Variants in MMRN1 observed in about 807,000 individuals in gnomAD.
MMRN1 encodes multimerin 1.
Under a neutral mutation model 100.7 loss-of-function variants are expected in MMRN1, and 94 were observed. That is an observed-to-expected ratio of 0.93 (90% CI 0.79 to 1.11). MMRN1 has a LOEUF of 1.11. Among genes scored for constraint, MMRN1 ranks in the 50% least tolerant of loss-of-function variants. MMRN1 has a pLI of 0.00. For missense variants in MMRN1, 1,606 were observed against 1,439.1 expected (o/e 1.12, Z -1.88); for synonymous variants, 575 against 505.0 (o/e 1.14, Z -1.86).
In MMRN1 at chr4:89,895,355, A is replaced by G. The variant is rs1192758198; in HGVS notation, c.384A>G (p.Gly128=). 3 of 1,613,798 alleles carry G rather than the reference A, an allele frequency of 1.9e-6. No individual in the cohort carries two copies. The highest frequency in any genetic ancestry group is 2.5e-6 in the Non-Finnish European group (3 of 1,179,922). ...ACGCTAGCATCAAGTTCAATCCTGG[A>G]GCAGAATCAGTGGTCCTTTCCAATT... ...PTNASIKFNP[G]AESVVLSNST... is the part of the protein sequence containing the mutation. Residue 128 remains glycine (G), a synonymous_variant, in exon 1 of 8, where the codon GGA becomes GGG. Coordinates refer to ENST00000264790, the MANE Select transcript of MMRN1 (RefSeq NM_007351.3).
At chr4:89,950,053 G>A (rs1288345347) in intron 6 of MMRN1, among the ~76,000 whole-genome samples, 1 of 152,138 alleles carries the variant, frequency 6.6e-6, no homozygotes, top group South Asian at 2.1e-4. Context: ...ACATAATTAT[G>A]CATTATGTTT....
chr4:89,926,438 T>C (rs1354400624), intron 4 of MMRN1, among the ~76,000 whole-genome samples: 2 of 152,192 alleles, frequency 1.3e-5, no homozygotes, highest in African/African-American at 4.8e-5. Context: ...TTTTGAAAAA[T>C]GTATATTCAA....
rs919119057 is a variant in MMRN1, at chr4:89,903,535, A to C, written c.624-5741A>C. Among the ~76,000 whole-genome samples, 15 of 151,820 alleles carry C rather than the reference A, an allele frequency of 9.9e-5. 1 individual carries two copies. Among genetic ancestry groups the C allele is most frequent in the Non-Finnish European group, 2.1e-4 (14 of 67,910 alleles). On this transcript the variant is annotated intron_variant, in intron 1 of 7. Coordinates refer to ENST00000264790, the MANE Select transcript of MMRN1 (RefSeq NM_007351.3). ...GCTGTGTTTCTTTGTATCTGAGGCA[A>C]AAAAATATTGAGGCCATATTATATA...
At chr4:89,939,804 TC>T (rs1359504705) in intron 6 of MMRN1, among the ~76,000 whole-genome samples, 2 of 152,154 alleles carry the variant, frequency 1.3e-5, no homozygotes, top group African/African-American at 4.8e-5. Flanking sequence ...TTAGGGAGTT[TC>T]TTTTCTTGAA....
In MMRN1 at chr4:89,952,980, A is replaced by G. The variant is rs1423557339; in HGVS notation, c.3266-17A>G. 1.6e-5 allele frequency: 25 copies of G among 1,549,450 alleles called. No individual in the cohort carries two copies. Among genetic ancestry groups the G allele is most frequent in the Non-Finnish European group, 2.2e-5 (25 of 1,150,340 alleles). ...AAAAACATGAAAATTAACTCTTGCC[A>G]TTTTTTCCTCTAACAGATTTTTCCA... On this transcript the variant is annotated splice_polypyrimidine_tract_variant and intron_variant, in intron 7 of 7. Transcript: ENST00000264790.
intron 1 of MMRN1, among the ~76,000 whole-genome samples, chr4:89,883,127 T>C (rs1405814171): frequency 1.3e-5 from 2 of 152,242 alleles, no homozygotes; most frequent in East Asian, 3.9e-4. Context: ...ATTATTTCAT[T>C]GTATGAGTGT....
In MMRN1 at chr4:89,894,938, T is replaced by G. The variant is rs1242732536; in HGVS notation, c.-34T>G. Reference sequence around the variant, plus strand: ...AGGCCATAAGGATTTTGTCCCCAAATTTCACATGAGCTACCTTGCTTCAAA... The same window carrying G: ...AGGCCATAAGGATTTTGTCCCCAAAGTTCACATGAGCTACCTTGCTTCAAA... On this transcript the variant is annotated 5_prime_UTR_variant, in exon 1 of 8. Coordinates refer to ENST00000264790, the MANE Select transcript of MMRN1 (RefSeq NM_007351.3). The G allele has an allele frequency of 6.4e-7, 1 of 1,569,442 alleles. No homozygotes were observed. Among genetic ancestry groups the G allele is most frequent in the Admixed American group, 1.9e-5 (1 of 53,592 alleles).
In MMRN1 at chr4:89,935,544, G is replaced by T. The variant is rs747948890; in HGVS notation, c.1864G>T (p.Ala622Ser). The change falls in exon 6 of 8, where the codon GCT becomes TCT. Residue 622 changes from alanine (A) to serine (S), a missense_variant. Coordinates refer to ENST00000264790, the MANE Select transcript of MMRN1 (RefSeq NM_007351.3). ...ENLHVLNQTL[A>S]EVLFPMDNKM... Reference sequence around the variant, plus strand: ...TTTACATGTGTTAAATCAAACATTGGCTGAAGTTCTCTTTCCAATGGACAA... The same window carrying T: ...TTTACATGTGTTAAATCAAACATTGTCTGAAGTTCTCTTTCCAATGGACAA... 18 of 1,613,096 alleles carry T rather than the reference G, an allele frequency of 1.1e-5. No individual in the cohort carries two copies. Among genetic ancestry groups the T allele is most frequent in the Non-Finnish European group, 1.1e-5 (13 of 1,179,632 alleles).
At chr4:89,934,190 AT>A (rs1444750047) in intron 5 of MMRN1, among the ~76,000 whole-genome samples, 1 of 152,104 alleles carries the variant, frequency 6.6e-6, no homozygotes, top group African/African-American at 2.4e-5. Flanking sequence ...TGTATCTTGA[AT>A]TCCTATTTTC....
At chr4:89,938,914 A>C (rs1722737366) in intron 6 of MMRN1, among the ~76,000 whole-genome samples, 1 of 152,052 alleles carries the variant, frequency 6.6e-6, no homozygotes. Flanking sequence ...TGCAAGGTAG[A>C]TATTCCTTTT....
At position 89,936,725 on chromosome 4, in the gene MMRN1, G is replaced by T. The variant is rs757738129; in HGVS notation, c.3045G>T (p.Lys1015Asn). The change falls in exon 6 of 8, where the codon AAG becomes AAT. Residue 1015 changes from lysine (K) to asparagine (N), a missense_variant. Coordinates refer to ENST00000264790, the MANE Select transcript of MMRN1 (RefSeq NM_007351.3). ...TGCCAAAGAAAATTAACGCACTTAA[G>T]AAACCAACGGTAAATCTTACCACAG... ...KSLPKKINAL[K>N]KPTVNLTTVL... is the part of the protein sequence containing the mutation. 41 of 1,613,104 alleles carry T rather than the reference G, an allele frequency of 2.5e-5. No homozygotes were observed. In the Admixed American group the frequency reaches 6.2e-4, roughly 24 times the overall value.
chr4:89,932,940 T>C (rs1465903438), intron 5 of MMRN1, among the ~76,000 whole-genome samples: 1 of 152,188 alleles, frequency 6.6e-6, no homozygotes, highest in Non-Finnish European at 1.5e-5. Flanking sequence ...AAATGAGGTT[T>C]TTTTTCTTTT....
intron 1 of MMRN1, among the ~76,000 whole-genome samples, chr4:89,880,907 T>C (rs1291610155): frequency 6.6e-6 from 1 of 152,106 alleles, no homozygotes; most frequent in Non-Finnish European, 1.5e-5. Flanking sequence ...CTGCACTGCA[T>C]GTAATTCTAA....
chr4:89,952,985 T>A lies in MMRN1; in HGVS notation c.3266-12T>A. On this transcript the variant is annotated splice_polypyrimidine_tract_variant and intron_variant, in intron 7 of 7. Transcript: ENST00000264790. ...CATGAAAATTAACTCTTGCCATTTT[T>A]TCCTCTAACAGATTTTTCCAAAGGA... is the stretch of plus-strand genomic sequence containing the variant. 1 of 1,550,502 alleles carries A rather than the reference T, an allele frequency of 6.4e-7. No individual in the cohort carries two copies. Among genetic ancestry groups the A allele is most frequent in the Non-Finnish European group, 8.7e-7 (1 of 1,150,400 alleles).
At chr4:89,952,928 G>T in intron 7 of MMRN1, 69 bp from the exon 8 acceptor site, 1 of 1,380,014 alleles carries the variant, frequency 7.2e-7, no homozygotes, top group South Asian at 1.5e-5. Flanking sequence ...TAAAAATGAC[G>T]AAGATATAAG....
intron 6 of MMRN1, among the ~76,000 whole-genome samples, chr4:89,942,760 A>G (rs530720675): frequency 6.6e-6 from 1 of 152,306 alleles, no homozygotes; most frequent in African/African-American, 2.4e-5. Context: ...CAGTAAAATT[A>G]TGACACAGTG....
intron 6 of MMRN1, among the ~76,000 whole-genome samples, chr4:89,944,155 C>A (rs1722917470): frequency 6.6e-6 from 1 of 152,150 alleles, no homozygotes; most frequent in Admixed American, 6.5e-5. Context: ...AACTATTTAT[C>A]TAACTTGTAT....
At chr4:89,910,857 G>T (rs1721725834) in intron 2 of MMRN1, among the ~76,000 whole-genome samples, 2 of 151,286 alleles carry the variant, frequency 1.3e-5, no homozygotes, top group Non-Finnish European at 3.0e-5. Context: ...GTCTCTAAAG[G>T]CCGGTCTGTT....
intron 1 of MMRN1, among the ~76,000 whole-genome samples, chr4:89,904,942 T>C (rs758926662): frequency 4.0e-5 from 6 of 151,696 alleles, no homozygotes; most frequent in Non-Finnish European, 8.9e-5. Flanking sequence ...TGTTAAGATA[T>C]AGTTACCTTT....
Sources: allele counts gnomAD v4.1 joint callset (sites outside exome capture counted in the v4.1 genomes callset), GRCh38; gene constraint gnomAD v4.1.1; transcripts MANE v1.5; gene names NCBI Gene and HGNC (gene_info 2026-07-23, HGNC 2026-07-21).